Variants in FHIT observed in about 807,000 individuals in gnomAD.
The protein encoded by FHIT is bis(5'-adenosyl)-triphosphatase.
Under a neutral mutation model 17.9 loss-of-function variants are expected in FHIT, and 19 were observed. That is an observed-to-expected ratio of 1.06 (90% CI 0.74 to 1.56). The LOEUF is 1.56. Ranked by LOEUF, FHIT falls within the 40% of genes most tolerant of loss-of-function variation. The probability of loss-of-function intolerance (pLI) is 0.00; values close to 1 mark genes in which losing one functional copy is unlikely to be tolerated. For synonymous variants in FHIT, 81 were observed against 69.7 expected (o/e 1.16, Z -0.81); for missense variants, 248 against 189.2 (o/e 1.31, Z -1.82).
At chr3:60,546,913 A>C (rs1348650685) in intron 4 of FHIT, among the ~76,000 whole-genome samples, 1 of 152,146 alleles carries the variant, frequency 6.6e-6, no homozygotes, top group African/African-American at 2.4e-5. Context: ...CTCTTTTTTA[A>C]TTGTGGTAAA....
At chr3:60,194,226 T>C (rs1702522949) in intron 5 of FHIT, among the ~76,000 whole-genome samples, 1 of 152,142 alleles carries the variant, frequency 6.6e-6, no homozygotes, top group Non-Finnish European at 1.5e-5. Context: ...ATGGTACTAG[T>C]ATAAAAGTAG....
At chr3:59,882,719 C>G (rs1334419388) in intron 8 of FHIT, among the ~76,000 whole-genome samples, 1 of 152,164 alleles carries the variant, frequency 6.6e-6, no homozygotes, top group African/African-American at 2.4e-5. Flanking sequence ...GATGCCCTGG[C>G]AAATGGTGCT....
intron 5 of FHIT, among the ~76,000 whole-genome samples, chr3:60,401,292 C>T (rs1423036163): frequency 6.6e-6 from 1 of 152,172 alleles, no homozygotes. Context: ...GACAGCTGTG[C>T]TGGTTATTCC....
At chr3:60,932,435 T>C (rs1708004534) in intron 3 of FHIT, among the ~76,000 whole-genome samples, 1 of 152,128 alleles carries the variant, frequency 6.6e-6, no homozygotes, top group Non-Finnish European at 1.5e-5. Flanking sequence ...TGCCCTTTGG[T>C]TTCTATAGGG....
At chr3:59,824,750 G>A (rs1389348884) in intron 8 of FHIT, among the ~76,000 whole-genome samples, 1 of 152,194 alleles carries the variant, frequency 6.6e-6, no homozygotes, top group Non-Finnish European at 1.5e-5. Context: ...GATTCAGTGT[G>A]TTAAATCAAT....
At chr3:61,102,325 G>A (rs1247690916) in intron 2 of FHIT, among the ~76,000 whole-genome samples, 2 of 152,244 alleles carry the variant, frequency 1.3e-5, no homozygotes, top group South Asian at 2.1e-4. Context: ...TGTGGTTTTT[G>A]TCTTTGGTTC....
intron 4 of FHIT, chr3:60,617,503 A>G (rs2038987169): frequency 6.5e-6 from 1 of 153,978 alleles, no homozygotes; most frequent in South Asian, 2.1e-4. Flanking sequence ...TGATTTTTTA[A>G]AACCCTTTCA....
chr3:59,792,192 T>G (rs1336802349), intron 8 of FHIT, among the ~76,000 whole-genome samples: 1 of 152,216 alleles, frequency 6.6e-6, no homozygotes, highest in Non-Finnish European at 1.5e-5. Context: ...TTGAACCCCA[T>G]GGAGGGTTTT....
intron 4 of FHIT, among the ~76,000 whole-genome samples, chr3:60,697,626 A>T (rs1217646193): frequency 6.6e-6 from 1 of 152,164 alleles, no homozygotes; most frequent in Non-Finnish European, 1.5e-5. Flanking sequence ...TAATATATAT[A>T]TTTTAAAAGA....
intron 4 of FHIT, among the ~76,000 whole-genome samples, chr3:60,679,935 G>A (rs2040708160): frequency 6.6e-6 from 1 of 152,018 alleles, no homozygotes; most frequent in African/African-American, 2.4e-5. Flanking sequence ...ACTATATGTT[G>A]TTTTTACTCA....
chr3:60,222,758 T>C (rs974126894), intron 5 of FHIT, among the ~76,000 whole-genome samples: 1 of 151,982 alleles, frequency 6.6e-6, no homozygotes, highest in Non-Finnish European at 1.5e-5. Context: ...GGACCTGCTA[T>C]GGTGTGGTGG....
At position 61,086,993 on chromosome 3, in the gene FHIT, T is replaced by G. The variant is rs1575987589; in HGVS notation, c.-163-44894A>C. Among the ~76,000 whole-genome samples the G allele has an allele frequency of 3.3e-5, 5 of 152,106 alleles. No homozygotes were observed. In the South Asian group the frequency reaches 1.0e-3, roughly 31 times the overall value. On this transcript the variant is annotated intron_variant, in intron 2 of 9. Transcript: ENST00000492590. ...CTACTTTCTGTTCTTCTAATCCCAT[T>G]GGGTTAATTCCCAAATCAGTGCTTT...
chr3:60,865,987 G>T (rs1203116349), intron 3 of FHIT, among the ~76,000 whole-genome samples: 1 of 152,082 alleles, frequency 6.6e-6, no homozygotes, highest in African/African-American at 2.4e-5. Context: ...CAGTAGCTAA[G>T]AAGTGACTCG....
At chr3:60,905,982 C>A (rs541834814) in intron 3 of FHIT, among the ~76,000 whole-genome samples, 15 of 151,114 alleles carry the variant, frequency 9.9e-5, no homozygotes, top group Admixed American at 3.3e-4. Flanking sequence ...TTTACATATT[C>A]GAAATAAAAA....
chr3:60,273,704 T>C (rs1323890671), intron 5 of FHIT, among the ~76,000 whole-genome samples: 2 of 152,144 alleles, frequency 1.3e-5, no homozygotes, highest in Non-Finnish European at 1.5e-5. Flanking sequence ...TGACAATAAA[T>C]AACCATTACA....
chr3:60,370,626 CT>C (rs1262382824), intron 5 of FHIT, among the ~76,000 whole-genome samples: 2 of 152,074 alleles, frequency 1.3e-5, no homozygotes, highest in East Asian at 3.9e-4. Flanking sequence ...ACTTATACCC[CT>C]CTTCTCTTTC....
intron 5 of FHIT, among the ~76,000 whole-genome samples, chr3:60,452,529 T>C (rs926431018): frequency 6.6e-6 from 1 of 152,180 alleles, no homozygotes; most frequent in Non-Finnish European, 1.5e-5. Flanking sequence ...CAAATAAAGA[T>C]ATTTAAATGA....
chr3:59,958,600 C>T (rs1481692890), intron 7 of FHIT, among the ~76,000 whole-genome samples: 1 of 152,168 alleles, frequency 6.6e-6, no homozygotes, highest in Non-Finnish European at 1.5e-5. Context: ...ATTCAATTAG[C>T]TGCAGCTACC....
intron 4 of FHIT, among the ~76,000 whole-genome samples, chr3:60,686,327 GA>G (rs1247359396): frequency 6.6e-6 from 1 of 152,146 alleles, no homozygotes; most frequent in Non-Finnish European, 1.5e-5. Flanking sequence ...CCAATTTTGG[GA>G]AGTGTGTGGG....
Sources: gnomAD v4.1 joint callset for allele counts (sites outside exome capture counted in the v4.1 genomes callset) on GRCh38, gnomAD v4.1.1 for gene constraint, MANE v1.5 for transcripts, NCBI Gene and HGNC (gene_info 2026-07-23, HGNC 2026-07-21) for gene names.